MARCHF1: variants seen among roughly 807,000 people sequenced by gnomAD.
MARCHF1 encodes membrane associated ring-CH-type finger 1, also known as E3 ubiquitin-protein ligase MARCHF1.
MARCHF1 carries 40 observed loss-of-function variants against 54.2 expected under a neutral mutation model. That is an observed-to-expected ratio of 0.74 (90% CI 0.57 to 0.96). The LOEUF (loss-of-function observed/expected upper bound fraction) is 0.96, where lower values mean the gene tolerates loss of function less well. Ranked by LOEUF, MARCHF1 falls within the 40% of genes least tolerant of loss-of-function variation. The pLI, the probability that MARCHF1 is intolerant of heterozygous loss-of-function variation, is 0.00. For missense variants in MARCHF1, 586 were observed against 656.5 expected (o/e 0.89, Z 1.17); for synonymous variants, 236 against 236.3 (o/e 1.00, Z 0.01).
chr4:164,317,672 G>T (rs181966008), intron 1 of MARCHF1, among the ~76,000 whole-genome samples: 1 of 152,112 alleles, frequency 6.6e-6, no homozygotes, highest in East Asian at 1.9e-4. Flanking sequence ...TCAAGAAAAC[G>T]GAGTGAGTAT....
intron 3 of MARCHF1, among the ~76,000 whole-genome samples, chr4:163,894,562 T>TATATATATATGCATGTGATGC (rs1750734299): frequency 7.8e-6 from 1 of 127,944 alleles, no homozygotes; most frequent in African/African-American, 2.7e-5. Flanking sequence ...TGCACATGCA[T>TATATATATATGCATGTGATGC]ATATATATAT....
chr4:163,942,787 A>T (rs1016913721), intron 3 of MARCHF1, among the ~76,000 whole-genome samples: 6 of 152,062 alleles, frequency 3.9e-5, no homozygotes, highest in Non-Finnish European at 2.9e-5. Context: ...GGACAAAAAA[A>T]GTCTCCCTTA....
intron 5 of MARCHF1, among the ~76,000 whole-genome samples, chr4:163,668,198 T>C (rs1407811154): frequency 1.3e-5 from 2 of 152,136 alleles, no homozygotes; most frequent in Non-Finnish European, 2.9e-5. Context: ...TTTGTGGGCA[T>C]AGTCCAAACA....
chr4:164,209,076 C>T (rs984794026), intron 1 of MARCHF1, among the ~76,000 whole-genome samples: 2 of 150,848 alleles, frequency 1.3e-5, no homozygotes, highest in African/African-American at 4.9e-5. Context: ...TAAAAGTTGC[C>T]TTGTATTCTA....
chr4:163,642,967 ATG>A (rs111972593), intron 5 of MARCHF1, among the ~76,000 whole-genome samples: 1 of 151,702 alleles, frequency 6.6e-6, no homozygotes, highest in Non-Finnish European at 1.5e-5. Context: ...ACATATGTGT[ATG>A]TGTGTGTGTA....
intron 1 of MARCHF1, among the ~76,000 whole-genome samples, chr4:164,255,290 C>A (rs1329428690): frequency 6.7e-6 from 1 of 148,874 alleles, no homozygotes. Context: ...AAATAAAAAT[C>A]AGAAACAAAA....
At chr4:163,951,821 A>C (rs779682846) in intron 3 of MARCHF1, among the ~76,000 whole-genome samples, 2 of 152,162 alleles carry the variant, frequency 1.3e-5, no homozygotes, top group Non-Finnish European at 2.9e-5. Flanking sequence ...AATATTTGTT[A>C]TCTCAATAAG....
intron 2 of MARCHF1, among the ~76,000 whole-genome samples, chr4:164,108,988 G>C (rs1713025922): frequency 6.6e-6 from 1 of 151,838 alleles, no homozygotes; most frequent in African/African-American, 2.4e-5. Flanking sequence ...AAAAGCAAGG[G>C]GTCTATTTTA....
intron 5 of MARCHF1, among the ~76,000 whole-genome samples, chr4:163,643,327 C>T (rs1455510046): frequency 7.2e-6 from 1 of 138,010 alleles, no homozygotes; most frequent in Non-Finnish European, 1.6e-5. Flanking sequence ...GACCCTGTCT[C>T]AAAAATAAAA....
At chr4:164,250,016 A>T (rs1346421555) in intron 1 of MARCHF1, among the ~76,000 whole-genome samples, 1 of 152,044 alleles carries the variant, frequency 6.6e-6, no homozygotes, top group Non-Finnish European at 1.5e-5. Context: ...TAGATGGTGA[A>T]ACCGAGGTAG....
At chr4:164,066,186 A>G (rs998188339) in intron 2 of MARCHF1, among the ~76,000 whole-genome samples, 2 of 152,222 alleles carry the variant, frequency 1.3e-5, no homozygotes, top group Admixed American at 1.3e-4. Context: ...GCAAGAAAAA[A>G]AAAACTCCAT....
At chr4:163,836,268 TG>T (rs1419945877) in intron 4 of MARCHF1, among the ~76,000 whole-genome samples, 1 of 149,810 alleles carries the variant, frequency 6.7e-6, no homozygotes, top group African/African-American at 2.5e-5. Context: ...TATTTAGAGA[TG>T]GAGTCTCGCT....
intron 9 of MARCHF1, among the ~76,000 whole-genome samples, chr4:163,537,147 A>G (rs1738562994): frequency 1.0e-5 from 1 of 98,738 alleles, no homozygotes; most frequent in Non-Finnish European, 2.4e-5. Context: ...TAAGGATTGT[A>G]TGTGGAAAAC....
At chr4:163,922,322 C>T (rs2111367043) in intron 3 of MARCHF1, among the ~76,000 whole-genome samples, 1 of 152,142 alleles carries the variant, frequency 6.6e-6, no homozygotes, top group East Asian at 1.9e-4. Context: ...ATGTAACTAA[C>T]CTGCACGTTG....
intron 2 of MARCHF1, among the ~76,000 whole-genome samples, chr4:164,065,839 G>A (rs1057018581): frequency 2.0e-5 from 3 of 152,182 alleles, no homozygotes; most frequent in African/African-American, 7.2e-5. Context: ...GTCCAGGGCA[G>A]GAGAAATGGA....
In MARCHF1 at chr4:163,613,330, T is replaced by C. The variant is rs754989626; in HGVS notation, c.226A>G (p.Thr76Ala). 2 of 1,612,308 alleles carry C rather than the reference T, an allele frequency of 1.2e-6. No individual in the cohort carries two copies. The highest frequency in any genetic ancestry group is 1.7e-6 in the Non-Finnish European group (2 of 1,179,192). ...SQSRLSVCPS[T>A]QDICRSAILH... ...AGCACTTACCTGCAGATGTCCTGAG[T>C]GGATGGACAGACAGACAACCTTGAC... The change falls in exon 6 of 10, where the codon ACT becomes GCT. Residue 76 changes from threonine (T) to alanine (A), a missense_variant. By Grantham distance (58) the Thr-to-Ala change is moderately conservative (BLOSUM62 0). Around this residue, in one of 3 missense-constraint regions of MARCHF1, gnomAD observed 387 missense variants for 394.6 expected, o/e 0.98. Coordinates refer to ENST00000514618, the MANE Select transcript of MARCHF1 (RefSeq NM_001394959.1).
At chr4:163,873,043 CA>C (rs34308466) in intron 3 of MARCHF1, among the ~76,000 whole-genome samples, 14 of 138,350 alleles carry the variant, frequency 1.0e-4, no homozygotes, top group South Asian at 9.0e-4. Flanking sequence ...GACTCCGTCT[CA>C]AAAAAAAAAC....
At chr4:164,013,560 T>C (rs900314872) in intron 2 of MARCHF1, among the ~76,000 whole-genome samples, 1 of 152,022 alleles carries the variant, frequency 6.6e-6, no homozygotes, top group Non-Finnish European at 1.5e-5. Context: ...CCAATAAATT[T>C]AACCCAAATA....
At chr4:163,855,854 T>C (rs1195375065) in intron 3 of MARCHF1, among the ~76,000 whole-genome samples, 1 of 152,196 alleles carries the variant, frequency 6.6e-6, no homozygotes, top group Non-Finnish European at 1.5e-5. Flanking sequence ...GCAGTAGCTT[T>C]GTCATTTCTT....
Sources: gnomAD v4.1 joint callset for allele counts (sites outside exome capture counted in the v4.1 genomes callset) on GRCh38, gnomAD v4.1.1 for gene constraint, gnomAD v4.1.1 regional missense constraint, MANE v1.5 for transcripts, NCBI Gene and HGNC (gene_info 2026-07-23, HGNC 2026-07-21) for gene names.